The following MASP1 variants were observed in gnomAD, a reference collection of about 807,000 sequenced individuals.
MASP1 encodes mannan-binding lectin serine protease 1.
Under a neutral mutation model 77.1 loss-of-function variants are expected in MASP1, and 59 were observed. The observed-to-expected ratio is 0.77, with a 90% confidence interval of 0.62 to 0.95. MASP1 has a LOEUF of 0.95. Ranked by LOEUF, MASP1 falls within the 40% of genes least tolerant of loss-of-function variation. MASP1 has a pLI of 0.00. For missense variants in MASP1, 885 were observed against 912.9 expected (o/e 0.97, Z 0.39); for synonymous variants, 362 against 354.5 (o/e 1.02, Z -0.24).
At position 187,234,733 on chromosome 3, in the gene MASP1, C is replaced by A; in HGVS notation, c.*951G>T. ...CCACTCTTTCTTCCATTTTCCTGCCCAAAAGCACAGCAGGACACAGTGTGG... is the reference window on the plus strand; with the variant it reads ...CCACTCTTTCTTCCATTTTCCTGCCAAAAAGCACAGCAGGACACAGTGTGG... On this transcript the variant is annotated 3_prime_UTR_variant, in exon 11 of 11. Transcript: ENST00000296280. 1 of 1,287,256 alleles carries A rather than the reference C, an allele frequency of 7.8e-7. No homozygotes were observed. Among genetic ancestry groups the A allele is most frequent in the African/African-American group, 1.5e-5 (1 of 65,928 alleles). The allele number at this position is 1,287,256 out of a possible 1,614,324, so 79.7% of individuals were successfully genotyped here. A position where few individuals can be genotyped will look rare whatever the true frequency, so the allele number is the denominator to read the frequency against.
intron 2 of MASP1, among the ~76,000 whole-genome samples, chr3:187,273,130 C>T (rs3774285): frequency 0.27 from 41,694 of 152,034 alleles, 6,725 homozygotes; most frequent in Admixed American, 0.4. Context: ...ATTTGGAGAA[C>T]ATTAAGAAGC....
At position 187,220,254 on chromosome 3, in the gene MASP1, CT is replaced by C. The variant is rs754625392; in HGVS notation, c.1916del (p.Lys639ArgfsTer13). ...CTCCAGAGTCACCCGCACAGGCGTC[CT>C]TTCCCCCTAGGTGAAAAAGAGACAT... On this transcript the variant is annotated frameshift_variant, in exon 16 of 16. Coordinates refer to the MASP1 transcript ENST00000337774. LOFTEE classifies it high-confidence loss of function. 6.2e-7 allele frequency: 1 copy of C among 1,614,046 alleles called. No homozygotes were observed. Among genetic ancestry groups the C allele is most frequent in the African/African-American group, 1.3e-5 (1 of 75,034 alleles).
rs981323114 is a variant in MASP1 at position 187,253,365 on chromosome 3, G to A, written c.745-50C>T. On this transcript the variant is annotated intron_variant, in intron 5 of 10. Transcript: ENST00000296280. ...AGAAATAGAGTGTTCCATCTGAGCA[G>A]CCAAAATGGCCACTGCAGGTAACAC... 4.4e-6 allele frequency: 7 copies of A among 1,600,314 alleles called. No individual in the cohort carries two copies. The African/African-American group carries it at 5.4e-5, about 12-fold the overall frequency.
Position 187,291,621 on chromosome 3 carries a change from C to T in MASP1, c.5+7G>A. The T allele has an allele frequency of 1.2e-6, 2 of 1,614,212 alleles. No individual in the cohort carries two copies. Among genetic ancestry groups the T allele is most frequent in the Middle Eastern group, 1.6e-4 (1 of 6,062 alleles). ...GGAACCGTGCCCTCTCCTCCCCTGG[C>T]ACGTACCTCATTTTCCTGCCTTGGG... On this transcript the variant is annotated splice_region_variant and intron_variant, in intron 1 of 10. Coordinates refer to ENST00000296280, the MANE Select transcript of MASP1 (RefSeq NM_139125.4).
intron 9 of MASP1, chr3:187,243,150 C>A: frequency 2.8e-6 from 1 of 355,620 alleles, no homozygotes; most frequent in Non-Finnish European, 5.4e-6. Context: ...TCCAGGCTTC[C>A]TTTAGGGTCT....
intron 13 of MASP1, among the ~76,000 whole-genome samples, chr3:187,224,771 G>T (rs1452969026): frequency 6.6e-6 from 1 of 152,200 alleles, no homozygotes; most frequent in East Asian, 1.9e-4. Context: ...CTGAAAACAG[G>T]GGGCACTTTC....
At chr3:187,241,436 C>G (rs1163706254) in intron 10 of MASP1, 45 bp downstream of exon 10, 2 of 1,545,424 alleles carry the variant, frequency 1.3e-6, no homozygotes, top group East Asian at 4.5e-5. Flanking sequence ...GTCCTAGGGC[C>G]TTGGATGGAA....
intron 1 of MASP1, among the ~76,000 whole-genome samples, chr3:187,290,481 C>A (rs754707654): frequency 2.0e-5 from 3 of 152,126 alleles, no homozygotes; most frequent in Non-Finnish European, 4.4e-5. Flanking sequence ...TGACATAAAT[C>A]ACTTTTTTTT....
chr3:187,246,148 G>A (rs1034624786), intron 8 of MASP1, among the ~76,000 whole-genome samples: 8 of 152,202 alleles, frequency 5.3e-5, no homozygotes, highest in African/African-American at 1.9e-4. Context: ...CTGAAGTCCT[G>A]ATGAAACACT....
chr3:187,224,340 A>ATT (rs1181826969), intron 13 of MASP1, among the ~76,000 whole-genome samples: 1,416 of 101,864 alleles, frequency 0.014, 17 homozygotes, highest in African/African-American at 0.017. Context: ...TGTGCTGAGT[A>ATT]TTTTTTTTTT....
At chr3:187,261,507 T>C (rs1715575329) in intron 3 of MASP1, among the ~76,000 whole-genome samples, 1 of 152,242 alleles carries the variant, frequency 6.6e-6, no homozygotes, top group Non-Finnish European at 1.5e-5. Context: ...GAATGCAGTT[T>C]AAACCACAAT....
chr3:187,261,746 T>G (rs1715597733), intron 3 of MASP1, among the ~76,000 whole-genome samples: 2 of 152,142 alleles, frequency 1.3e-5, no homozygotes, highest in African/African-American at 4.8e-5. Context: ...ATTGAAAACA[T>G]ATGTTTGCAA....
intron 2 of MASP1, among the ~76,000 whole-genome samples, chr3:187,281,528 C>G (rs1365764918): frequency 6.6e-6 from 1 of 152,204 alleles, no homozygotes; most frequent in African/African-American, 2.4e-5. Flanking sequence ...TGGTAAAGAA[C>G]AGTGTTGGCA....
chr3:187,259,325 T>C (rs1193643644), intron 4 of MASP1, among the ~76,000 whole-genome samples: 1 of 152,108 alleles, frequency 6.6e-6, no homozygotes, highest in Admixed American at 6.5e-5. Context: ...GTCTCCTGAG[T>C]TCCTGACTGT....
At chr3:187,223,218 G>A in intron 13 of MASP1, 1 of 1,602,622 alleles carries the variant, frequency 6.2e-7, no homozygotes, top group Non-Finnish European at 8.6e-7. Flanking sequence ...GATACTGTGA[G>A]AACAGAGAAG....
intron 11 of MASP1, chr3:187,226,524 G>A (rs756493701): frequency 5.4e-5 from 87 of 1,600,130 alleles, no homozygotes; most frequent in Non-Finnish European, 7.3e-5. Flanking sequence ...CTGGAGCCTG[G>A]GGAACAGAAC....
intron 10 of MASP1, among the ~76,000 whole-genome samples, chr3:187,240,064 C>G (rs1472501947): frequency 6.6e-6 from 1 of 151,928 alleles, no homozygotes; most frequent in Non-Finnish European, 1.5e-5. Context: ...TTCTCTCTTG[C>G]CTGCCACCGT....
chr3:187,243,485 T>C lies in MASP1; in HGVS notation c.1227A>G (p.Thr409=). 6.2e-7 allele frequency: 1 copy of C among 1,614,118 alleles called. No homozygotes were observed. Among genetic ancestry groups the C allele is most frequent in the Non-Finnish European group, 8.5e-7 (1 of 1,179,994 alleles). ...GATGGCTTAGCATGGATGGCTTACC[T>C]GTGTTATTGTTGAGCATCTTGTAAT... The part of the protein sequence containing the change: ...EPYYKMLNNN[T]GIYTCSAQGV... Residue 409 remains threonine (T), a splice_region_variant and synonymous_variant, in exon 9 of 11, where the codon ACA becomes ACG. Coordinates refer to ENST00000296280, the MANE Select transcript of MASP1 (RefSeq NM_139125.4).
At chr3:187,274,047 A>G (rs182275569) in intron 2 of MASP1, among the ~76,000 whole-genome samples, 1,526 of 152,200 alleles carry the variant, frequency 0.01, 23 homozygotes, top group African/African-American at 0.034. Flanking sequence ...GTCTCCACTA[A>G]AAACACAAAA....
Sources: allele counts gnomAD v4.1 joint callset (sites outside exome capture counted in the v4.1 genomes callset), GRCh38; gene constraint gnomAD v4.1.1; transcripts MANE v1.5; gene names NCBI Gene and HGNC (gene_info 2026-07-23, HGNC 2026-07-21).